Variants in PRKCH observed in about 807,000 individuals in gnomAD.
The protein encoded by PRKCH is protein kinase C eta, also known as protein kinase C eta type.
In PRKCH, 28 loss-of-function variants were observed where a neutral mutation model predicts 82.5. The observed-to-expected ratio is 0.34, with a 90% CI of 0.25 to 0.47. The LOEUF (loss-of-function observed/expected upper bound fraction) is 0.47, where lower values mean the gene tolerates loss of function less well. Among genes scored for constraint, PRKCH ranks in the 20% least tolerant of loss-of-function variants. The pLI is 1.00. For missense variants in PRKCH, 705 were observed against 881.8 expected (o/e 0.80, Z 2.54); for synonymous variants, 322 against 327.4 (o/e 0.98, Z 0.18).
At chr14:61,255,643 CATTA>C (rs2044990664) in intron 1 of PRKCH, among the ~76,000 whole-genome samples, 1 of 152,090 alleles carries the variant, frequency 6.6e-6, no homozygotes, top group Non-Finnish European at 1.5e-5. Context: ...ACTTGGCAAA[CATTA>C]ATTAATTCTC....
chr14:61,436,007 C>T (rs1883661104), intron 2 of PRKCH, among the ~76,000 whole-genome samples: 2 of 152,276 alleles, frequency 1.3e-5, no homozygotes, highest in East Asian at 1.9e-4. Context: ...AGATCACAGA[C>T]ATGAAAAAGG....
intron 12 of PRKCH, among the ~76,000 whole-genome samples, chr14:61,535,261 T>C (rs2043092708): frequency 6.6e-6 from 1 of 152,162 alleles, no homozygotes; most frequent in African/African-American, 2.4e-5. Context: ...ATGATCCTGC[T>C]CTTGTGGAAT....
intron 9 of PRKCH, among the ~76,000 whole-genome samples, chr14:61,471,140 G>A (rs1029876009): frequency 2.6e-5 from 4 of 152,258 alleles, no homozygotes; most frequent in Non-Finnish European, 5.9e-5. Context: ...GTCTATAGAA[G>A]GAGGCTAATA....
At position 61,322,022 on chromosome 14, in the gene PRKCH, A is replaced by G. The variant is rs1364007839; in HGVS notation, c.-80A>G. 2.1e-6 allele frequency: 3 copies of G among 1,431,648 alleles called. No homozygotes were observed. The African/African-American group carries it at 4.3e-5, about 21-fold the overall frequency. 88.7% of individuals were successfully genotyped at this position (1,431,648 alleles called of 1,614,324 possible). A position where few individuals can be genotyped will look rare whatever the true frequency, so the allele number is the denominator to read the frequency against. On this transcript the variant is annotated 5_prime_UTR_variant, in exon 1 of 14. Coordinates refer to ENST00000332981, the MANE Select transcript of PRKCH (RefSeq NM_006255.5). ...TGCCTCGACTCCTGCACCTGTCCCG[A>G]GGGCTGGCCTGAGACGGGACTCCCG...
intron 1 of PRKCH, among the ~76,000 whole-genome samples, chr14:61,262,329 C>A (rs1044834219): frequency 6.6e-6 from 1 of 151,936 alleles, no homozygotes; most frequent in Non-Finnish European, 1.5e-5. Flanking sequence ...GTTGCATATT[C>A]ATACAACAAA....
At chr14:61,437,486 GA>G (rs1156389451) in intron 2 of PRKCH, among the ~76,000 whole-genome samples, 1 of 152,122 alleles carries the variant, frequency 6.6e-6, no homozygotes, top group Non-Finnish European at 1.5e-5. Context: ...TCAGGAAGAA[GA>G]AAAAAGACAT....
chr14:61,293,960 A>C (rs1192765163), intron 1 of PRKCH, among the ~76,000 whole-genome samples: 1 of 152,082 alleles, frequency 6.6e-6, no homozygotes, highest in Non-Finnish European at 1.5e-5. Flanking sequence ...TTCATTGCAT[A>C]TGTCATCCCA....
intron 1 of PRKCH, among the ~76,000 whole-genome samples, chr14:61,377,369 C>T (rs563150296): frequency 2.6e-5 from 4 of 152,296 alleles, no homozygotes; most frequent in Admixed American, 6.5e-5. Flanking sequence ...TAACCCCAGC[C>T]GTATGTTTAA....
intron 9 of PRKCH, among the ~76,000 whole-genome samples, chr14:61,475,432 G>T (rs1885688036): frequency 6.6e-6 from 1 of 152,182 alleles, no homozygotes; most frequent in Non-Finnish European, 1.5e-5. Context: ...CCACTAGGGG[G>T]TGCTCTAAAG....
chr14:61,257,856 A>G (rs2045012692), intron 1 of PRKCH, among the ~76,000 whole-genome samples: 1 of 152,164 alleles, frequency 6.6e-6, no homozygotes, highest in Non-Finnish European at 1.5e-5. Flanking sequence ...CTCCCAGGAC[A>G]ATCCCCTGAT....
chr14:61,189,560 G>C (rs1392526906), intron 1 of PRKCH, among the ~76,000 whole-genome samples: 1 of 151,632 alleles, frequency 6.6e-6, no homozygotes, highest in East Asian at 1.9e-4. Flanking sequence ...CTTCCTGAGA[G>C]TAGGGGAGGC....
chr14:61,430,647 G>T (rs1883341736), intron 2 of PRKCH, among the ~76,000 whole-genome samples: 2 of 152,170 alleles, frequency 1.3e-5, no homozygotes, highest in African/African-American at 4.8e-5. Context: ...TCAGGTGATG[G>T]TCAGGTGGTT....
intron 1 of PRKCH, among the ~76,000 whole-genome samples, chr14:61,308,319 A>T (rs980222498): frequency 1.3e-5 from 2 of 152,206 alleles, no homozygotes; most frequent in African/African-American, 4.8e-5. Context: ...ACGGAGTCCA[A>T]GTTTTTAAAG....
intron 1 of PRKCH, among the ~76,000 whole-genome samples, chr14:61,245,872 T>C (rs2044875429): frequency 6.6e-6 from 1 of 152,226 alleles, no homozygotes; most frequent in African/African-American, 2.4e-5. Flanking sequence ...CTAAAAAGTT[T>C]CCAACCATCA....
chr14:61,390,694 A>G (rs551766133), intron 1 of PRKCH: 1 of 153,128 alleles, frequency 6.5e-6, no homozygotes, highest in African/African-American at 2.4e-5. Context: ...AGAGTAGTGA[A>G]TGCAAGGCTC....
chr14:61,383,819 AT>A (rs1185306460), intron 1 of PRKCH, among the ~76,000 whole-genome samples: 1 of 151,984 alleles, frequency 6.6e-6, no homozygotes, highest in Non-Finnish European at 1.5e-5. Flanking sequence ...TTAAAAAGTG[AT>A]TTTTTTCTTC....
In PRKCH at chr14:61,550,087, TC is replaced by T. The variant is rs1173769586; in HGVS notation, c.*257del. The T allele has an allele frequency of 2.8e-6, 1 of 353,842 alleles. No homozygotes were observed. The highest frequency in any genetic ancestry group is 2.0e-5 in the African/African-American group (1 of 48,796). The allele number at this position is 353,842 out of a possible 1,614,324, so 21.9% of individuals were successfully genotyped here. A position where few individuals can be genotyped will look rare whatever the true frequency, so the allele number is the denominator to read the frequency against. On this transcript the variant is annotated 3_prime_UTR_variant, in exon 14 of 14. Transcript: ENST00000332981. ...ACCGCTCCACCTATGAGCGTCTGTC[TC>T]TGTGGGCTTGGGATGTTAACAGGAG...
Position 61,457,672 on chromosome 14 carries a change from A to G in PRKCH, c.1271A>G (p.Gln424Arg). 1 of 1,614,030 alleles carries G rather than the reference A, an allele frequency of 6.2e-7. No individual in the cohort carries two copies. ...PFLTQLFCCF[Q>R]TPDRLFFVME... is the part of the protein sequence containing the mutation. Reference sequence around the variant, plus strand: ...CTCACTCAGTTGTTCTGCTGCTTTCAGACCCCCGTAAGTATGAATCACATT... The same window carrying G: ...CTCACTCAGTTGTTCTGCTGCTTTCGGACCCCCGTAAGTATGAATCACATT... The change falls in exon 9 of 14, where the codon CAG becomes CGG. Residue 424 changes from glutamine (Q) to arginine (R), a missense_variant. Physicochemically the swap from Gln to Arg is conservative, Grantham distance 43. This residue lies in a region of PRKCH where 238 missense variants were observed against 258.1 expected (regional missense o/e 0.92). Coordinates refer to ENST00000332981, the MANE Select transcript of PRKCH (RefSeq NM_006255.5).
At chr14:61,329,234 C>T (rs374970928) in intron 1 of PRKCH, among the ~76,000 whole-genome samples, 38 of 63,460 alleles carry the variant, frequency 6.0e-4, no homozygotes, top group Admixed American at 8.3e-4. Flanking sequence ...ACTCCTGAGT[C>T]TTTTTTTTTT....
Sources: allele counts gnomAD v4.1 joint callset (sites outside exome capture counted in the v4.1 genomes callset), GRCh38; gene constraint gnomAD v4.1.1; regional missense constraint gnomAD v4.1.1; transcripts MANE v1.5; gene names NCBI Gene and HGNC (gene_info 2026-07-23, HGNC 2026-07-21).